The following SYNE1 variants were observed in gnomAD, a reference collection of about 807,000 sequenced individuals.
SYNE1 encodes spectrin repeat containing nuclear envelope protein 1.
In SYNE1, 616 loss-of-function variants were observed where a neutral mutation model predicts 1,111.0. The ratio of observed to expected loss-of-function variants is 0.55; its 90% confidence interval spans 0.52 to 0.59. The LOEUF is 0.59. SYNE1 is among the 20% of genes least tolerant of loss of function. SYNE1 has a pLI of 0.00. For missense variants in SYNE1, 10,006 were observed against 10,417.0 expected (o/e 0.96, Z 1.72); for synonymous variants, 3,855 against 3,825.8 (o/e 1.01, Z -0.28).
chr6:152,587,805 A>G (rs1369463705), intron 3 of SYNE1, among the ~76,000 whole-genome samples: 2 of 152,182 alleles, frequency 1.3e-5, no homozygotes, highest in African/African-American at 2.4e-5. Flanking sequence ...ACTTATTGGA[A>G]AATCCAGGAT....
chr6:152,300,763 G>A lies in SYNE1; in HGVS notation c.17560C>T (p.His5854Tyr). ...SVVMMTAGRC[H>Y]TLLSPVTEES... ...TCAGTGACCGGTGACAGCAAAGTGT[G>A]ACAGCGACCTGCAGTCATCTGCCAC... The change falls in exon 93 of 146, where the codon CAC becomes TAC. Residue 5854 changes from histidine (H) to tyrosine (Y), a missense_variant. Physicochemically the swap from His to Tyr is moderately conservative, Grantham distance 83. Around this residue, in one of 7 missense-constraint regions of SYNE1, gnomAD observed 4,955 missense variants for 5,017.2 expected, o/e 0.99. Coordinates refer to ENST00000367255, the MANE Select transcript of SYNE1 (RefSeq NM_182961.4). 1.2e-6 allele frequency: 2 copies of A among 1,614,234 alleles called. No homozygotes were observed. Among genetic ancestry groups the A allele is most frequent in the Non-Finnish European group, 1.7e-6 (2 of 1,180,048 alleles).
In SYNE1 at chr6:152,528,441, C is replaced by A. The variant is rs370415087; in HGVS notation, c.130-2266G>T. On this transcript the variant is annotated intron_variant, in intron 4 of 145. Transcript: ENST00000367255. The stretch of plus-strand genomic sequence containing the variant: ...TGTATAAGGTATTCTTTATATATAC[C>A]AAACAATCAGTTAGGGGGACCTTTA... 1.1e-4 allele frequency among the ~76,000 whole-genome samples: 16 copies of A among 152,164 alleles called. No individual in the cohort carries two copies. In the East Asian group the frequency reaches 1.3e-3, roughly 13 times the overall value.
intron 96 of SYNE1, among the ~76,000 whole-genome samples, chr6:152,283,585 G>T (rs1424058710): frequency 6.6e-6 from 1 of 152,158 alleles, no homozygotes; most frequent in Non-Finnish European, 1.5e-5. Context: ...TGCCCAGGCT[G>T]GAGTGCAGTG....
At chr6:152,203,338 G>A (rs1587726955) in intron 126 of SYNE1, among the ~76,000 whole-genome samples, 1 of 151,980 alleles carries the variant, frequency 6.6e-6, no homozygotes, top group Non-Finnish European at 1.5e-5. Context: ...ACTCCTATCC[G>A]GTGTCTTAGT....
intron 72 of SYNE1, among the ~76,000 whole-genome samples, chr6:152,348,891 T>C (rs1174675986): frequency 1.3e-5 from 2 of 152,004 alleles, no homozygotes; most frequent in Admixed American, 1.3e-4. Flanking sequence ...GGGCTAGCAG[T>C]TATCATATAT....
At chr6:152,611,551 G>A (rs9397535) in intron 3 of SYNE1, among the ~76,000 whole-genome samples, 108,463 of 151,668 alleles carry the variant, frequency 0.72, 38,856 homozygotes, top group East Asian at 0.81. Context: ...AATAATGGGA[G>A]ACTTTAACAC....
At chr6:152,529,611 G>A (rs904057820) in intron 4 of SYNE1, among the ~76,000 whole-genome samples, 1 of 152,206 alleles carries the variant, frequency 6.6e-6, no homozygotes, top group Non-Finnish European at 1.5e-5. Flanking sequence ...CATGGTTACA[G>A]CTTATGACAG....
chr6:152,323,597 C>A lies in SYNE1; in HGVS notation c.15798G>T (p.Ser5266=). 6.2e-7 allele frequency: 1 copy of A among 1,614,208 alleles called. No homozygotes were observed. Among genetic ancestry groups the A allele is most frequent in the Non-Finnish European group, 8.5e-7 (1 of 1,180,038 alleles). The change falls in exon 82 of 146, where the codon TCG becomes TCT. Residue 5266 remains serine (S), a synonymous_variant. Transcript: ENST00000367255. Reference sequence around the variant, plus strand: ...TTTGCTGCCGCAGCATGCCCAAGGCCGACTGCTGCTGCTCCAGCTCCAGAA... The same window carrying A: ...TTTGCTGCCGCAGCATGCCCAAGGCAGACTGCTGCTGCTCCAGCTCCAGAA... ...TFVLELEQQQ[S]ALGMLRQQTL...
rs202039715 is a variant in SYNE1 at position 152,301,993 on chromosome 6, G to A, written c.17417C>T (p.Thr5806Met). 7.4e-6 allele frequency: 12 copies of A among 1,614,232 alleles called. No individual in the cohort carries two copies. In the East Asian group the frequency reaches 2.7e-4, roughly 36 times the overall value. Reference protein sequence around the residue: ...ASLNSKCKMLTMKAKHATMLL... With the variant: ...ASLNSKCKMLMMKAKHATMLL... ...CATGGTGGCGTGCTTGGCTTTCATC[G>A]TCAGCATCTTGCACTTGGAATTCAA... Residue 5806 changes from threonine (T) to methionine (M), a missense_variant, in exon 92 of 146, where the codon ACG becomes ATG. Physicochemically the swap from Thr to Met is moderately conservative, Grantham distance 81. Coordinates refer to ENST00000367255, the MANE Select transcript of SYNE1 (RefSeq NM_182961.4).
At position 152,145,740 on chromosome 6, in the gene SYNE1, G is replaced by A. The variant is rs528725266; in HGVS notation, c.24977-1975C>T. The A allele has an allele frequency of 1.4e-4, 87 of 637,724 alleles. 2 individuals are homozygous for A. Among genetic ancestry groups the A allele is most frequent in the South Asian group, 1.3e-3 (79 of 61,234 alleles). The allele number at this position is 637,724 out of a possible 1,614,324, so 39.5% of individuals were successfully genotyped here. On this transcript the variant is annotated intron_variant, in intron 137 of 145. Transcript: ENST00000367255. ...CTGAAATGAATCATAAGAATTCACA[G>A]TGGGTGGGGCATGGTGGCTCACGCC...
At chr6:152,622,488 T>C (rs1422379743) in intron 3 of SYNE1, among the ~76,000 whole-genome samples, 1 of 152,148 alleles carries the variant, frequency 6.6e-6, no homozygotes. Flanking sequence ...TCTCATCATG[T>C]AGCTCCCACT....
intron 4 of SYNE1, among the ~76,000 whole-genome samples, chr6:152,536,965 A>G (rs12154168): frequency 0.27 from 40,474 of 152,090 alleles, 6,403 homozygotes; most frequent in East Asian, 0.46. Context: ...ATTTAGGAAC[A>G]TGTTTTCTCA....
rs2097099968 is a variant in SYNE1 at position 152,367,361 on chromosome 6, T to C, written c.9829A>G (p.Arg3277Gly). The change falls in exon 62 of 146, where the codon AGA becomes GGA. Residue 3277 changes from arginine to glycine, a missense_variant. Around this residue, in one of 7 missense-constraint regions of SYNE1, gnomAD observed 4,955 missense variants for 5,017.2 expected, o/e 0.99. Coordinates refer to ENST00000367255, the MANE Select transcript of SYNE1 (RefSeq NM_182961.4). ...LTKEKVSRLD[R>G]IVAEHNQFSL... ...AACTGATTGTGTTCTGCAACGATTC[T>C]ATCCAGTCTTGACACTTTCTCCTGG... 6.2e-7 allele frequency: 1 copy of C among 1,614,204 alleles called. No individual in the cohort carries two copies. The highest frequency in any genetic ancestry group is 8.5e-7 in the Non-Finnish European group (1 of 1,180,046).
At chr6:152,335,487 A>C (rs1015602703) in intron 76 of SYNE1, 9 of 152,142 alleles carry the variant, frequency 5.9e-5, no homozygotes, top group Non-Finnish European at 1.3e-4. Flanking sequence ...ATGGTTCACA[A>C]ATTTTTTTAA....
At chr6:152,545,032 T>C (rs17778172) in intron 3 of SYNE1, among the ~76,000 whole-genome samples, 7,052 of 152,292 alleles carry the variant, frequency 0.046, 224 homozygotes, top group Non-Finnish European at 0.065. Flanking sequence ...ACAAAAATGT[T>C]AAAATACATG....
intron 127 of SYNE1, among the ~76,000 whole-genome samples, chr6:152,191,922 C>T (rs1181872617): frequency 1.3e-5 from 2 of 152,056 alleles, no homozygotes; most frequent in South Asian, 2.1e-4. Flanking sequence ...CACTGTATTA[C>T]GTAGGTTTTG....
intron 126 of SYNE1, among the ~76,000 whole-genome samples, chr6:152,205,440 C>T (rs568775391): frequency 1.3e-5 from 2 of 152,296 alleles, no homozygotes; most frequent in Non-Finnish European, 2.9e-5. Context: ...ATTATATACC[C>T]ACTCTACCGA....
intron 16 of SYNE1, among the ~76,000 whole-genome samples, chr6:152,469,241 G>A (rs147925107): frequency 6.6e-6 from 1 of 152,228 alleles, no homozygotes; most frequent in East Asian, 1.9e-4. Context: ...GATAAGAGAG[G>A]CTCTATGAGG....
intron 63 of SYNE1, among the ~76,000 whole-genome samples, chr6:152,363,355 A>G (rs62426387): frequency 0.72 from 107,414 of 148,438 alleles, 39,297 homozygotes; most frequent in African/African-American, 0.84. Context: ...TTAGCCGGGC[A>G]TGGTGGCGGG....
Sources: allele counts gnomAD v4.1 joint callset (sites outside exome capture counted in the v4.1 genomes callset), GRCh38; gene constraint gnomAD v4.1.1; regional missense constraint gnomAD v4.1.1; transcripts MANE v1.5; gene names NCBI Gene and HGNC (gene_info 2026-07-23, HGNC 2026-07-21).